R3HCC1L: variants seen among roughly 807,000 people sequenced by gnomAD.
The protein encoded by R3HCC1L is R3H domain and coiled-coil containing 1 like.
A neutral mutation model predicts 59.9 loss-of-function variants in R3HCC1L; 51 were observed. That is an observed-to-expected ratio of 0.85 (90% CI 0.68 to 1.07). R3HCC1L has a LOEUF of 1.07. Among genes scored for constraint, R3HCC1L ranks in the 50% least tolerant of loss-of-function variants. R3HCC1L has a pLI of 0.00. For synonymous variants in R3HCC1L, 322 were observed against 315.2 expected (o/e 1.02, Z -0.23); for missense variants, 965 against 933.0 (o/e 1.03, Z -0.45).
chr10:98,153,108 G>A (rs1846433119), intron 1 of R3HCC1L, among the ~76,000 whole-genome samples: 2 of 152,218 alleles, frequency 1.3e-5, no homozygotes, highest in Admixed American at 1.3e-4. Flanking sequence ...CCATCTGGGA[G>A]GTGTACCCAA....
intron 4 of R3HCC1L, among the ~76,000 whole-genome samples, chr10:98,188,055 T>TA (rs1850422081): frequency 6.6e-6 from 1 of 152,114 alleles, no homozygotes; most frequent in African/African-American, 2.4e-5. Flanking sequence ...AAGGAATTCT[T>TA]AATGTTGTTC....
At chr10:98,186,342 C>CA (rs1850221143) in intron 4 of R3HCC1L, 1 of 267,256 alleles carries the variant, frequency 3.7e-6, no homozygotes, top group African/African-American at 2.3e-5. Flanking sequence ...GGTATATAAA[C>CA]AAAAAATCTG....
At chr10:98,163,940 A>T (rs187610593) in intron 4 of R3HCC1L, among the ~76,000 whole-genome samples, 28 of 151,988 alleles carry the variant, frequency 1.8e-4, no homozygotes, top group East Asian at 1.4e-3. Flanking sequence ...AGTTAAAAAA[A>T]TTTTTTTTTC....
At position 98,209,893 on chromosome 10, in the gene R3HCC1L, A is replaced by G. The variant is rs115833071; in HGVS notation, c.1779A>G (p.Leu593=). 4.8e-3 allele frequency: 7,640 copies of G among 1,607,396 alleles called. 46 individuals carry two copies. The highest frequency in any genetic ancestry group is 0.025 in the African/African-American group (1,853 of 74,782). The change falls in exon 5 of 10, where the codon CTA becomes CTG. Residue 593 remains leucine (L), a synonymous_variant. Transcript: ENST00000298999. ...DDGDCLDPRL[L]QELSGNTKSR... ...GTGACTGCCTGGATCCACGTCTTCT[A>G]CAAGAGGTATGTTTAATTGAAATTG...
At chr10:98,180,812 TC>T in intron 4 of R3HCC1L, among the ~76,000 whole-genome samples, 1 of 152,322 alleles carries the variant, frequency 6.6e-6, no homozygotes, top group African/African-American at 2.4e-5. Flanking sequence ...GTAATGGCCT[TC>T]TTTGTCTCTT....
rs74153517 is a variant in R3HCC1L at position 98,173,385 on chromosome 10, T to C, written c.-15+9988T>C. Among the ~76,000 whole-genome samples, 220 of 152,306 alleles carry C rather than the reference T, an allele frequency of 1.4e-3. 2 individuals are homozygous for C. Among genetic ancestry groups the C allele is most frequent in the African/African-American group, 5.1e-3 (213 of 41,572 alleles). ...ACTGATCACTTTAGACCTCAGCTCC[T>C]GCTCTTTGTTCTGAAACCTTGCTTT... On this transcript the variant is annotated intron_variant, in intron 4 of 9. Coordinates refer to ENST00000298999, the MANE Select transcript of R3HCC1L (RefSeq NM_001351015.2).
At chr10:98,156,189 T>C (rs1390330450) in intron 2 of R3HCC1L, 42 bp downstream of exon 2, 2 of 152,220 alleles carry the variant, frequency 1.3e-5, no homozygotes. Context: ...TTTTCTCTCC[T>C]GGGTTTGGTT....
intron 1 of R3HCC1L, among the ~76,000 whole-genome samples, chr10:98,140,556 T>A (rs1026339096): frequency 1.3e-5 from 2 of 151,978 alleles, no homozygotes; most frequent in African/African-American, 4.8e-5. Context: ...CGGGCAGAGT[T>A]AGAAATGAGG....
chr10:98,223,789 A>G (rs1855339256), intron 5 of R3HCC1L, among the ~76,000 whole-genome samples: 1 of 152,106 alleles, frequency 6.6e-6, no homozygotes, highest in African/African-American at 2.4e-5. Flanking sequence ...TTAGGGCTTC[A>G]GGCAGCGTTC....
At chr10:98,142,389 A>G (rs541635566) in intron 1 of R3HCC1L, among the ~76,000 whole-genome samples, 31 of 151,952 alleles carry the variant, frequency 2.0e-4, no homozygotes, top group South Asian at 2.1e-4. Context: ...TGTAATCCCA[A>G]CACTTTGGGA....
chr10:98,174,235 A>G (rs534009787), intron 4 of R3HCC1L, among the ~76,000 whole-genome samples: 1 of 152,152 alleles, frequency 6.6e-6, no homozygotes, highest in African/African-American at 2.4e-5. Context: ...AATGTTTTTC[A>G]TGTGTCGGGC....
At chr10:98,172,388 C>T (rs958265569) in intron 4 of R3HCC1L, among the ~76,000 whole-genome samples, 1 of 152,150 alleles carries the variant, frequency 6.6e-6, no homozygotes, top group African/African-American at 2.4e-5. Flanking sequence ...ACATTTTTAG[C>T]GTGGTTCATG....
In R3HCC1L at chr10:98,209,553, G is replaced by A; in HGVS notation, c.1439G>A (p.Gly480Asp). 6.2e-7 allele frequency: 1 copy of A among 1,613,882 alleles called. No individual in the cohort carries two copies. Among genetic ancestry groups the A allele is most frequent in the South Asian group, 1.1e-5 (1 of 91,072 alleles). Residue 480 changes from glycine (G) to aspartate (D), a missense_variant, in exon 5 of 10, where the codon GGT (glycine) becomes GAT (aspartate). By Grantham distance (94) the Gly-to-Asp change is moderately conservative. Coordinates refer to ENST00000298999, the MANE Select transcript of R3HCC1L (RefSeq NM_001351015.2). ...ASSLPIKKIA[G>D]SNYNTFLDSE... Reference sequence around the variant, plus strand: ...TCCTTACCTATAAAAAAGATTGCTGGTAGTAATTATAACACTTTTTTGGAC... The same window carrying A: ...TCCTTACCTATAAAAAAGATTGCTGATAGTAATTATAACACTTTTTTGGAC...
intron 5 of R3HCC1L, among the ~76,000 whole-genome samples, chr10:98,224,346 TTAAA>T (rs768730200): frequency 6.6e-6 from 1 of 152,138 alleles, no homozygotes; most frequent in African/African-American, 2.4e-5. Flanking sequence ...GAACTAAGTA[TTAAA>T]TAAACAGAAA....
intron 4 of R3HCC1L, among the ~76,000 whole-genome samples, chr10:98,164,681 T>G (rs1446705081): frequency 6.6e-6 from 1 of 152,082 alleles, no homozygotes; most frequent in African/African-American, 2.4e-5. Flanking sequence ...ACTTCTCAAG[T>G]CCCCAGATGC....
intron 1 of R3HCC1L, among the ~76,000 whole-genome samples, chr10:98,143,690 G>A (rs1288155825): frequency 6.6e-6 from 1 of 152,110 alleles, no homozygotes; most frequent in Non-Finnish European, 1.5e-5. Context: ...CAGGGTTGAG[G>A]AATGTATCTT....
Position 98,179,114 on chromosome 10 carries a change from T to G in R3HCC1L, c.-15+15717T>G, listed in dbSNP as rs1316855337. On this transcript the variant is annotated intron_variant, in intron 4 of 9. Coordinates refer to ENST00000298999, the MANE Select transcript of R3HCC1L (RefSeq NM_001351015.2). ...CCAACAATTTGTTGAATAGGAGTGG[T>G]AAGAGAGGGCATCCCTGTCTTGTGC... 2.0e-5 allele frequency among the ~76,000 whole-genome samples: 3 copies of G among 152,332 alleles called. No individual in the cohort carries two copies. In the East Asian group the frequency reaches 5.8e-4, roughly 29 times the overall value.
chr10:98,234,240 G>A (rs1856679922), intron 6 of R3HCC1L, among the ~76,000 whole-genome samples: 1 of 152,100 alleles, frequency 6.6e-6, no homozygotes, highest in Admixed American at 6.6e-5. Context: ...ATACTCCTGG[G>A]TACTTGTTTA....
intron 1 of R3HCC1L, among the ~76,000 whole-genome samples, chr10:98,149,564 G>T (rs764922003): frequency 1.3e-5 from 2 of 152,158 alleles, no homozygotes; most frequent in African/African-American, 4.8e-5. Context: ...GTTGTTTCAA[G>T]AAATATTTAA....
Sources: allele counts gnomAD v4.1 joint callset (sites outside exome capture counted in the v4.1 genomes callset), GRCh38; gene constraint gnomAD v4.1.1; transcripts MANE v1.5; gene names NCBI Gene and HGNC (gene_info 2026-07-23, HGNC 2026-07-21).